The following SF1 variants were observed in gnomAD, a reference collection of about 807,000 sequenced individuals.
SF1 encodes branch point-binding protein.
SF1 carries 7 observed loss-of-function variants against 62.5 expected under a neutral mutation model. That is an observed-to-expected ratio of 0.11 (90% confidence interval 0.06 to 0.21). The LOEUF (loss-of-function observed/expected upper bound fraction) is 0.21, where lower values mean the gene tolerates loss of function less well. SF1 is among the 10% of genes least tolerant of loss of function. SF1 has a pLI of 1.00. For synonymous variants in SF1, 394 were observed against 323.6 expected (o/e 1.22, Z -2.33); for missense variants, 578 against 884.0 (o/e 0.65, Z 4.39).
Position 64,771,827 on chromosome 11 carries a change from C to T in SF1, c.237-1419G>A, listed in dbSNP as rs1018229629. The T allele has an allele frequency of 1.0e-4, 103 of 985,220 alleles. 1 individual carries two copies. The African/African-American group carries it at 1.7e-3, about 17-fold the overall frequency. The allele number at this position is 985,220 out of a possible 1,614,324, so 61.0% of individuals were successfully genotyped here. A position where few individuals can be genotyped will look rare whatever the true frequency, so the allele number is the denominator to read the frequency against. On this transcript the variant is annotated intron_variant, in intron 3 of 12. Transcript: ENST00000377390. ...ATATAACACCTTTTTAAGAAATTAT[C>T]TTAATTAAGAAAACCCATGCATTTC...
chr11:64,769,745 T>C, intron 5 of SF1, 136 bp from the exon 6 acceptor site: 1 of 833,116 alleles, frequency 1.2e-6, no homozygotes, highest in Non-Finnish European at 1.8e-6. Context: ...CTCCATGAAC[T>C]CTATATTATG....
chr11:64,772,568 A>G (rs1162719709), intron 3 of SF1: 4 of 985,128 alleles, frequency 4.1e-6, no homozygotes, highest in African/African-American at 1.7e-5. Flanking sequence ...CAAAAACACT[A>G]CTTTTTAAAG....
chr11:64,774,543 C>G (rs929029750), intron 2 of SF1, among the ~76,000 whole-genome samples: 1 of 152,230 alleles, frequency 6.6e-6, no homozygotes, highest in Non-Finnish European at 1.5e-5. Flanking sequence ...TAAAACTGAG[C>G]TGGCTCCAAG....
intron 3 of SF1, chr11:64,772,803 GAAAA>G (rs112795955): frequency 1.0e-5 from 8 of 782,118 alleles, no homozygotes; most frequent in Admixed American, 6.5e-5. Flanking sequence ...TCCCTTTAAG[GAAAA>G]AAAAAAAGTA....
In SF1 at chr11:64,778,097, G is replaced by A. The variant is rs1192032351; in HGVS notation, c.31+265C>T. On this transcript the variant is annotated intron_variant, in intron 1 of 12. Coordinates refer to ENST00000377390, the MANE Select transcript of SF1 (RefSeq NM_004630.4). ...GAGCGGCGGCGGAGGGGGCGGCTGC[G>A]GCGGCGGGTACGAGGCGCCGGGGGA... The A allele has an allele frequency of 2.5e-4, 231 of 932,366 alleles. 1 individual carries two copies. Among genetic ancestry groups the A allele is most frequent in the Non-Finnish European group, 2.8e-4 (218 of 772,528 alleles). The allele number at this position is 932,366 out of a possible 1,614,324, so 57.8% of individuals were successfully genotyped here.
chr11:64,770,235 T>C (rs781714921), intron 4 of SF1, 21 bp downstream of exon 4: 1 of 1,608,220 alleles, frequency 6.2e-7, no homozygotes, highest in East Asian at 2.2e-5. Context: ...TCATCCCAGA[T>C]GACCGAGCCC....
chr11:64,766,658 C>CAGT, intron 12 of SF1: 3 of 448,834 alleles, frequency 6.7e-6, no homozygotes, highest in Non-Finnish European at 1.2e-5. Flanking sequence ...CCCCTACCTA[C>CAGT]AATAGCAGGC....
chr11:64,777,918 C>T, intron 1 of SF1: 2 of 965,476 alleles, frequency 2.1e-6, no homozygotes, highest in Non-Finnish European at 2.5e-6. Flanking sequence ...CCGTCGCCGC[C>T]GCCGCGCGCC....
At position 64,765,798 on chromosome 11, in the gene SF1, T is replaced by C. The variant is rs1385811185; in HGVS notation, c.*20A>G. Reference sequence around the variant, plus strand: ...ACCAATTCTCTCTATATATAATATATATTTTCTTAAAAAACAAGTCTAGTT... The same window carrying C: ...ACCAATTCTCTCTATATATAATATACATTTTCTTAAAAAACAAGTCTAGTT... On this transcript the variant is annotated 3_prime_UTR_variant, in exon 13 of 13. Coordinates refer to ENST00000377390, the MANE Select transcript of SF1 (RefSeq NM_004630.4). The C allele has an allele frequency of 6.5e-7, 1 of 1,528,082 alleles. No individual in the cohort carries two copies. The highest frequency in any genetic ancestry group is 8.8e-7 in the Non-Finnish European group (1 of 1,139,502). The allele number at this position is 1,528,082 out of a possible 1,614,324, so 94.7% of individuals were successfully genotyped here.
intron 2 of SF1, among the ~76,000 whole-genome samples, chr11:64,775,842 C>T (rs565532115): frequency 2.9e-4 from 44 of 152,284 alleles, no homozygotes; most frequent in African/African-American, 1.0e-3. Flanking sequence ...TTTATCCTAG[C>T]ACTTCATTCC....
chr11:64,777,546 C>A (rs1939508724), intron 1 of SF1: 1 of 985,380 alleles, frequency 1.0e-6, no homozygotes, highest in South Asian at 4.7e-5. Context: ...GAGGAGCTAT[C>A]CTTGGTACGG....
rs541989928 is a variant in SF1 at position 64,778,177 on chromosome 11, A to C, written c.31+185T>G. ...GGGGAGGCGGAGGGGGCGGCGGCGGAGGCGGCGGAGGCAGCGCCGCGAAGG... is the reference window on the plus strand; with the variant it reads ...GGGGAGGCGGAGGGGGCGGCGGCGGCGGCGGCGGAGGCAGCGCCGCGAAGG... On this transcript the variant is annotated intron_variant, in intron 1 of 12. Coordinates refer to ENST00000377390, the MANE Select transcript of SF1 (RefSeq NM_004630.4). The C allele has an allele frequency of 8.0e-5, 73 of 908,958 alleles. No homozygotes were observed. In the African/African-American group the frequency reaches 1.2e-3, roughly 15 times the overall value. 56.3% of individuals were successfully genotyped at this position (908,958 alleles called of 1,614,324 possible). A position where few individuals can be genotyped will look rare whatever the true frequency, so the allele number is the denominator to read the frequency against.
At chr11:64,777,146 G>A (rs769114634) in intron 1 of SF1, among the ~76,000 whole-genome samples, 2 of 152,202 alleles carry the variant, frequency 1.3e-5, no homozygotes, top group African/African-American at 2.4e-5. Flanking sequence ...GATCACCTTT[G>A]TCTTCATAAG....
chr11:64,774,279 T>G (rs950228620), intron 2 of SF1, among the ~76,000 whole-genome samples: 5 of 152,332 alleles, frequency 3.3e-5, no homozygotes, highest in Non-Finnish European at 4.4e-5. Context: ...ATGGAATGTG[T>G]GTTCAAGGAC....
At chr11:64,767,478 G>A in intron 10 of SF1, 93 bp downstream of exon 10, 2 of 1,330,164 alleles carry the variant, frequency 1.5e-6, no homozygotes, top group Non-Finnish European at 2.1e-6. Context: ...ACATTGCCCA[G>A]CCACTTGAGA....
intron 10 of SF1, 28 bp downstream of exon 10, chr11:64,767,543 C>A: frequency 6.6e-7 from 1 of 1,526,286 alleles, no homozygotes; most frequent in East Asian, 2.3e-5. Flanking sequence ...CCAAAGCCCC[C>A]AAGGTTTCTG....
chr11:64,777,445 C>T (rs1027080138), intron 1 of SF1: 1 of 953,348 alleles, frequency 1.0e-6, no homozygotes, highest in Non-Finnish European at 1.2e-6. Flanking sequence ...AAAATTCTCT[C>T]CCCAAAAGAG....
At chr11:64,777,450 A>C in intron 1 of SF1, 2 of 972,924 alleles carry the variant, frequency 2.1e-6, no homozygotes, top group Non-Finnish European at 2.4e-6. Flanking sequence ...TCTCTCCCCA[A>C]AAGAGACCAA....
At chr11:64,777,201 G>C (rs891051564) in intron 1 of SF1, among the ~76,000 whole-genome samples, 1 of 152,162 alleles carries the variant, frequency 6.6e-6, no homozygotes, top group Non-Finnish European at 1.5e-5. Flanking sequence ...GTTGGACACT[G>C]AGGGTCTGAA....
Sources: allele counts gnomAD v4.1 joint callset (sites outside exome capture counted in the v4.1 genomes callset), GRCh38; gene constraint gnomAD v4.1.1; transcripts MANE v1.5; gene names NCBI Gene and HGNC (gene_info 2026-07-23, HGNC 2026-07-21).